Variants in PCLO observed in about 807,000 individuals in gnomAD.
PCLO encodes piccolo presynaptic cytomatrix protein.
A neutral mutation model predicts 427.5 loss-of-function variants in PCLO; 82 were observed. The ratio of observed to expected loss-of-function variants is 0.19; its 90% CI spans 0.16 to 0.23. The LOEUF is 0.23. Ranked by LOEUF, PCLO falls within the 10% of genes least tolerant of loss-of-function variation. The pLI is 1.00. For synonymous variants in PCLO, 2,357 were observed against 2,155.4 expected (o/e 1.09, Z -2.59); for missense variants, 6,239 against 6,115.9 (o/e 1.02, Z -0.67).
At chr7:82,968,612 C>T (rs536738041) in intron 3 of PCLO, among the ~76,000 whole-genome samples, 3 of 150,666 alleles carry the variant, frequency 2.0e-5, no homozygotes, top group Non-Finnish European at 3.0e-5. Flanking sequence ...CTCTGCCGCC[C>T]GGGTTCAAGA....
At chr7:82,857,454 T>G (rs552800217) in intron 10 of PCLO, among the ~76,000 whole-genome samples, 1 of 152,278 alleles carries the variant, frequency 6.6e-6, no homozygotes, top group African/African-American at 2.4e-5. Flanking sequence ...AAATGTATCT[T>G]ACTACTCAGA....
At chr7:82,901,646 A>G (rs1054409704) in intron 9 of PCLO, among the ~76,000 whole-genome samples, 39 of 151,962 alleles carry the variant, frequency 2.6e-4, no homozygotes, top group African/African-American at 7.2e-4. Flanking sequence ...GCAACCTACA[A>G]AATGGGAGAA....
intron 4 of PCLO, among the ~76,000 whole-genome samples, chr7:82,960,013 T>A (rs571801509): frequency 6.6e-6 from 1 of 152,172 alleles, no homozygotes; most frequent in Admixed American, 6.5e-5. Flanking sequence ...CCAAGACATA[T>A]CTGCACTGCC....
In PCLO at chr7:83,025,071, T is replaced by C. The variant is rs1003257627; in HGVS notation, c.3301-58584A>G. Among the ~76,000 whole-genome samples, 53 of 152,172 alleles carry C rather than the reference T, an allele frequency of 3.5e-4. 1 individual carries two copies. Among genetic ancestry groups the C allele is most frequent in the Non-Finnish European group, 3.4e-4 (23 of 68,024 alleles). On this transcript the variant is annotated intron_variant, in intron 3 of 24. Coordinates refer to ENST00000333891, the MANE Select transcript of PCLO (RefSeq NM_033026.6). ...CCTCTCCTCCTCCAAAGGAACGCAGTTCCTCACCAGCAACGGAACAAAGCT... is the reference window on the plus strand; with the variant it reads ...CCTCTCCTCCTCCAAAGGAACGCAGCTCCTCACCAGCAACGGAACAAAGCT...
intron 22 of PCLO, among the ~76,000 whole-genome samples, chr7:82,765,519 T>C (rs1345338973): frequency 6.6e-6 from 1 of 152,018 alleles, no homozygotes; most frequent in Non-Finnish European, 1.5e-5. Context: ...TTAGTTAATG[T>C]CATGTGGCTT....
chr7:82,918,804 C>T (rs534166794), intron 6 of PCLO, among the ~76,000 whole-genome samples: 2 of 151,914 alleles, frequency 1.3e-5, no homozygotes, highest in East Asian at 3.9e-4. Context: ...TACTCACGAC[C>T]GTGATGCCTA....
intron 2 of PCLO, among the ~76,000 whole-genome samples, chr7:83,152,567 C>T (rs374625527): frequency 2.0e-5 from 3 of 152,158 alleles, no homozygotes; most frequent in African/African-American, 7.2e-5. Flanking sequence ...TTCCAACACC[C>T]TAGCTAACCT....
chr7:82,850,466 C>T (rs545727478), intron 10 of PCLO, among the ~76,000 whole-genome samples: 1 of 152,214 alleles, frequency 6.6e-6, no homozygotes, highest in South Asian at 2.1e-4. Context: ...TAACATAAAA[C>T]ATTATCAAAT....
chr7:83,151,490 T>G (rs1792128146), intron 2 of PCLO, among the ~76,000 whole-genome samples: 1 of 152,344 alleles, frequency 6.6e-6, no homozygotes, highest in East Asian at 1.9e-4. Flanking sequence ...ATATGTCAAA[T>G]GGTGCCATTG....
At chr7:82,917,445 T>C (rs978547572) in intron 6 of PCLO, among the ~76,000 whole-genome samples, 1 of 152,068 alleles carries the variant, frequency 6.6e-6, no homozygotes, top group Non-Finnish European at 1.5e-5. Context: ...GTAACTTCCA[T>C]ATGAAGCAAA....
intron 9 of PCLO, among the ~76,000 whole-genome samples, chr7:82,884,076 G>A (rs7786198): frequency 0.091 from 13,878 of 152,052 alleles, 2,117 homozygotes; most frequent in African/African-American, 0.31. Context: ...GACTTTTTCT[G>A]GTTTTAAATA....
At chr7:82,847,396 C>T (rs1189751961) in intron 10 of PCLO, 149 bp from the exon 11 acceptor site, 1 of 575,278 alleles carries the variant, frequency 1.7e-6, no homozygotes, top group Non-Finnish European at 3.1e-6. Flanking sequence ...AACATTAATA[C>T]CAAAACCATT....
At chr7:82,949,290 CGT>C (rs1328670076) in intron 6 of PCLO, among the ~76,000 whole-genome samples, 184 bp downstream of exon 6, 1 of 151,664 alleles carries the variant, frequency 6.6e-6, no homozygotes, top group African/African-American at 2.4e-5. Flanking sequence ...CACACACACA[CGT>C]GTGCACACAC....
At chr7:82,886,960 ATTTTTG>A (rs928709342) in intron 9 of PCLO, among the ~76,000 whole-genome samples, 3 of 152,060 alleles carry the variant, frequency 2.0e-5, no homozygotes, top group African/African-American at 7.2e-5. Flanking sequence ...ATTTTATTTG[ATTTTTG>A]TTTTTGTGCC....
chr7:82,876,329 G>C (rs1284800487), intron 10 of PCLO, among the ~76,000 whole-genome samples: 1 of 151,984 alleles, frequency 6.6e-6, no homozygotes, highest in Admixed American at 6.6e-5. Flanking sequence ...CCTCACATCA[G>C]GCATAAAAAT....
intron 10 of PCLO, among the ~76,000 whole-genome samples, chr7:82,851,357 T>A (rs1792649553): frequency 1.3e-5 from 2 of 151,792 alleles, no homozygotes; most frequent in African/African-American, 2.4e-5. Context: ...GGTGGATCCA[T>A]CCTGAAGTCT....
At chr7:82,826,077 T>C (rs2115674683) in intron 18 of PCLO, among the ~76,000 whole-genome samples, 1 of 151,592 alleles carries the variant, frequency 6.6e-6, no homozygotes, top group East Asian at 1.9e-4. Flanking sequence ...TGAGATATTC[T>C]GATACAGGCA....
intron 22 of PCLO, among the ~76,000 whole-genome samples, chr7:82,798,637 T>C (rs934806655): frequency 2.0e-5 from 3 of 152,218 alleles, no homozygotes; most frequent in African/African-American, 7.2e-5. Flanking sequence ...CTTTCTAATT[T>C]AAAATTGCCT....
chr7:83,103,234 T>A (rs763541795), intron 3 of PCLO, among the ~76,000 whole-genome samples: 11 of 151,958 alleles, frequency 7.2e-5, no homozygotes, highest in Non-Finnish European at 1.5e-4. Context: ...AATCTATTTT[T>A]AACTTAGCTC....
Sources: allele counts gnomAD v4.1 joint callset (sites outside exome capture counted in the v4.1 genomes callset), GRCh38; gene constraint gnomAD v4.1.1; transcripts MANE v1.5; gene names NCBI Gene and HGNC (gene_info 2026-07-23, HGNC 2026-07-21).